BCKDHB: variants seen among roughly 807,000 people sequenced by gnomAD.
BCKDHB encodes branched chain keto acid dehydrogenase E1 subunit beta.
In BCKDHB, 41 loss-of-function variants were observed where a neutral mutation model predicts 48.5. The ratio of observed to expected loss-of-function variants is 0.85; its 90% CI spans 0.66 to 1.10. BCKDHB has a LOEUF of 1.10. Ranked by LOEUF, BCKDHB falls within the 50% of genes least tolerant of loss-of-function variation. The probability of loss-of-function intolerance (pLI) is 0.00; values close to 1 mark genes in which losing one functional copy is unlikely to be tolerated. For synonymous variants in BCKDHB, 201 were observed against 174.8 expected (o/e 1.15, Z -1.18); for missense variants, 496 against 494.2 (o/e 1.00, Z -0.03).
At chr6:80,339,595 T>C (rs1010996500) in intron 9 of BCKDHB, among the ~76,000 whole-genome samples, 2 of 152,230 alleles carry the variant, frequency 1.3e-5, no homozygotes, top group African/African-American at 4.8e-5. Context: ...GTTATGCTTA[T>C]TGGAATCATT....
chr6:80,273,006 A>T (rs528490227), intron 8 of BCKDHB, 129 bp from the exon 9 acceptor site: 4 of 759,020 alleles, frequency 5.3e-6, no homozygotes, highest in Non-Finnish European at 8.8e-6. Context: ...ATTGGCATAC[A>T]ATTGAATTAC....
chr6:80,243,431 T>C (rs1776475942), intron 8 of BCKDHB, among the ~76,000 whole-genome samples: 1 of 152,240 alleles, frequency 6.6e-6, no homozygotes, highest in Non-Finnish European at 1.5e-5. Context: ...AGATTCAATG[T>C]AGATAGAAAG....
chr6:80,334,756 T>G (rs1398269924), intron 9 of BCKDHB, among the ~76,000 whole-genome samples: 1 of 152,020 alleles, frequency 6.6e-6, no homozygotes, highest in Non-Finnish European at 1.5e-5. Flanking sequence ...TAGCAAGTCC[T>G]TTGCATTCTT....
chr6:80,381,303 A>G, the BCKDHB span, among the ~76,000 whole-genome samples: 3 of 152,014 alleles, frequency 2.0e-5, no homozygotes, highest in African/African-American at 4.8e-5. Flanking sequence ...ATATGCTAAC[A>G]TGTTTTGAAA....
At chr6:80,331,531 A>G (rs901460954) in intron 9 of BCKDHB, among the ~76,000 whole-genome samples, 1 of 152,196 alleles carries the variant, frequency 6.6e-6, no homozygotes, top group Non-Finnish European at 1.5e-5. Flanking sequence ...TTAGAGTTTC[A>G]GTATATATTC....
intron 8 of BCKDHB, among the ~76,000 whole-genome samples, chr6:80,227,059 A>C (rs1048840608): frequency 3.9e-5 from 6 of 152,210 alleles, no homozygotes; most frequent in Non-Finnish European, 7.3e-5. Flanking sequence ...GAGTTTCTTG[A>C]GTAAGTTAAC....
At chr6:80,302,752 G>A (rs1215144159) in intron 9 of BCKDHB, among the ~76,000 whole-genome samples, 1 of 152,070 alleles carries the variant, frequency 6.6e-6, no homozygotes. Flanking sequence ...ACCATATTCT[G>A]GATTTGTTGT....
At chr6:80,143,223 T>C (rs1268391882) in intron 3 of BCKDHB, among the ~76,000 whole-genome samples, 1 of 152,122 alleles carries the variant, frequency 6.6e-6, no homozygotes, top group Non-Finnish European at 1.5e-5. Flanking sequence ...CAACTTCACG[T>C]TGACACTGTG....
At chr6:80,109,443 T>TG (rs1448446500) in intron 1 of BCKDHB, among the ~76,000 whole-genome samples, 2 of 152,226 alleles carry the variant, frequency 1.3e-5, no homozygotes, top group Non-Finnish European at 2.9e-5. Context: ...GATTATTTCT[T>TG]TAGGATAGAG....
At chr6:80,389,397 A>G in the BCKDHB span, among the ~76,000 whole-genome samples, 1 of 152,210 alleles carries the variant, frequency 6.6e-6, no homozygotes, top group Non-Finnish European at 1.5e-5. Flanking sequence ...CCTCAGGGTG[A>G]TCAGTCAGCT....
At chr6:80,255,467 A>G (rs1388523993) in intron 8 of BCKDHB, among the ~76,000 whole-genome samples, 2 of 152,184 alleles carry the variant, frequency 1.3e-5, no homozygotes, top group South Asian at 2.1e-4. Context: ...TACAAAAAAT[A>G]AAAGGACAAA....
the BCKDHB span, chr6:80,465,910 C>T: frequency 6.6e-6 from 1 of 152,168 alleles, no homozygotes; most frequent in Non-Finnish European, 1.5e-5. Context: ...TTTGTGTCTC[C>T]ATTGCCTCCT....
At chr6:80,414,615 C>G in the BCKDHB span, among the ~76,000 whole-genome samples, 1 of 152,110 alleles carries the variant, frequency 6.6e-6, no homozygotes, top group African/African-American at 2.4e-5. Context: ...TTCTATTGGC[C>G]TACATGACTG....
the BCKDHB span, among the ~76,000 whole-genome samples, chr6:80,433,933 G>A: frequency 6.6e-6 from 1 of 152,008 alleles, no homozygotes; most frequent in Non-Finnish European, 1.5e-5. Context: ...TAAATATTTT[G>A]TGTCTTTCTC....
At chr6:80,133,972 G>C (rs1444040748) in intron 3 of BCKDHB, among the ~76,000 whole-genome samples, 1 of 152,080 alleles carries the variant, frequency 6.6e-6, no homozygotes, top group Non-Finnish European at 1.5e-5. Flanking sequence ...TATAAGTAAT[G>C]AGACAGATTC....
chr6:80,344,068 T>A lies in BCKDHB; in HGVS notation c.*264T>A. On this transcript the variant is annotated 3_prime_UTR_variant, in exon 10 of 10. Coordinates refer to ENST00000320393, the MANE Select transcript of BCKDHB (RefSeq NM_183050.4). ...CAGGCTAGACTGCAGTGGTGCAATCTCAGCTCACTGCAACCTCCCCCCTAC... is the reference window on the plus strand; with the variant it reads ...CAGGCTAGACTGCAGTGGTGCAATCACAGCTCACTGCAACCTCCCCCCTAC... The A allele has an allele frequency of 9.9e-5, 45 of 454,848 alleles. No individual in the cohort carries two copies. The highest frequency in any genetic ancestry group is 6.6e-4 in the Middle Eastern group (1 of 1,520). 28.2% of individuals were successfully genotyped at this position (454,848 alleles called of 1,614,324 possible). A position where few individuals can be genotyped will look rare whatever the true frequency, so the allele number is the denominator to read the frequency against.
At position 80,220,709 on chromosome 6, in the gene BCKDHB, G is replaced by T. The variant is rs539311814; in HGVS notation, c.951+17497G>T. ...GGCAATTTGAATGCTTTTTATCAGA[G>T]ACTAGCTCTTTTTCTTTTCTTTTTC... On this transcript the variant is annotated intron_variant, in intron 8 of 9. Transcript: ENST00000320393. 5.3e-5 allele frequency among the ~76,000 whole-genome samples: 8 copies of T among 150,112 alleles called. No individual in the cohort carries two copies. In the Admixed American group the frequency reaches 5.3e-4, roughly 10 times the overall value.
chr6:80,107,514 CATATATATATATATGCAT>C (rs1411517148), intron 1 of BCKDHB, among the ~76,000 whole-genome samples: 1 of 24,666 alleles, frequency 4.1e-5, no homozygotes, highest in Non-Finnish European at 8.7e-5. Context: ...TATATGTGCG[CATATATATATATATGCAT>C]ATATATATAT....
chr6:80,267,524 G>A (rs1276443915), intron 8 of BCKDHB, among the ~76,000 whole-genome samples: 1 of 152,056 alleles, frequency 6.6e-6, no homozygotes, highest in East Asian at 1.9e-4. Context: ...CTGCCAGTGT[G>A]GGGAAGGAAG....
Sources: gnomAD v4.1 joint callset for allele counts (sites outside exome capture counted in the v4.1 genomes callset) on GRCh38, gnomAD v4.1.1 for gene constraint, MANE v1.5 for transcripts, NCBI Gene and HGNC (gene_info 2026-07-23, HGNC 2026-07-21) for gene names.